Variants in GMDS observed in about 807,000 individuals in gnomAD.
GMDS encodes the protein GDP-mannose 4,6 dehydratase.
Under a neutral mutation model 49.9 loss-of-function variants are expected in GMDS, and 20 were observed. The observed-to-expected ratio is 0.40, with a 90% CI of 0.28 to 0.58. The LOEUF is 0.58. Among genes scored for constraint, GMDS ranks in the 20% least tolerant of loss-of-function variants. GMDS has a pLI of 0.42. For missense variants in GMDS, 362 were observed against 481.4 expected (o/e 0.75, Z 2.32); for synonymous variants, 177 against 178.6 (o/e 0.99, Z 0.07).
rs1028658239 is a variant in GMDS, at chr6:1,696,480, G to A, written c.987+29936C>T. 4.6e-5 allele frequency among the ~76,000 whole-genome samples: 7 copies of A among 152,136 alleles called. No homozygotes were observed. In the South Asian group the frequency reaches 1.2e-3, roughly 27 times the overall value. ...TCCTCCACTTAAGTAAATATTCCTC[G>A]AGTTGATGTGCCAAACCTCTCTTTT... On this transcript the variant is annotated intron_variant, in intron 9 of 10. Transcript: ENST00000380815.
At chr6:2,170,867 C>T (rs879470586) in intron 1 of GMDS, among the ~76,000 whole-genome samples, 6 of 151,382 alleles carry the variant, frequency 4.0e-5, no homozygotes, top group African/African-American at 7.3e-5. Context: ...CAGTGGCGGG[C>T]GCCTGTAGTC....
intron 7 of GMDS, among the ~76,000 whole-genome samples, chr6:1,763,113 G>T (rs776975892): frequency 6.6e-6 from 1 of 152,094 alleles, no homozygotes; most frequent in Non-Finnish European, 1.5e-5. Flanking sequence ...TTCTAAGATC[G>T]CAAAGGGAAA....
chr6:2,122,428 C>T (rs965083471), intron 2 of GMDS, among the ~76,000 whole-genome samples: 2 of 152,128 alleles, frequency 1.3e-5, no homozygotes, highest in African/African-American at 4.8e-5. Context: ...CCCCCCACCC[C>T]GAGTTCACAC....
chr6:1,705,299 C>G (rs1765692259), intron 9 of GMDS, among the ~76,000 whole-genome samples: 1 of 152,222 alleles, frequency 6.6e-6, no homozygotes, highest in Non-Finnish European at 1.5e-5. Flanking sequence ...CGTAGAGACA[C>G]AAGGTGATGG....
At chr6:1,730,465 T>C (rs1214868319) in intron 8 of GMDS, among the ~76,000 whole-genome samples, 1 of 152,194 alleles carries the variant, frequency 6.6e-6, no homozygotes, top group Non-Finnish European at 1.5e-5. Context: ...AAGTGAGACC[T>C]GATTGCAAAT....
chr6:1,979,917 CTATCTAGAATTTCA>C, intron 4 of GMDS, among the ~76,000 whole-genome samples: 2 of 152,250 alleles, frequency 1.3e-5, no homozygotes, highest in Non-Finnish European at 2.9e-5. Context: ...AAAGAATTTC[CTATCTAGAATTTCA>C]TATCTGTCCA....
chr6:1,672,172 C>T lies in GMDS; in HGVS notation c.988-47632G>A, dbSNP rs62388265. Among the ~76,000 whole-genome samples the T allele has an allele frequency of 2.4e-3, 365 of 152,286 alleles. 3 individuals are homozygous for T. Among genetic ancestry groups the T allele is most frequent in the Non-Finnish European group, 4.0e-3 (273 of 68,034 alleles). ...CATTTGGGTCTGGCTTCAGAGACGA[C>T]GACTGTGGAGCATTTGAGACGTCTG... is the stretch of plus-strand genomic sequence containing the variant. On this transcript the variant is annotated intron_variant, in intron 9 of 10. Coordinates refer to ENST00000380815, the MANE Select transcript of GMDS (RefSeq NM_001500.4).
intron 8 of GMDS, among the ~76,000 whole-genome samples, chr6:1,739,192 A>G (rs1310987494): frequency 6.6e-6 from 1 of 152,234 alleles, no homozygotes; most frequent in Non-Finnish European, 1.5e-5. Context: ...CATAAAGGAA[A>G]GAGGAGCGTC....
At chr6:2,083,450 G>A (rs1772833275) in intron 4 of GMDS, among the ~76,000 whole-genome samples, 1 of 152,084 alleles carries the variant, frequency 6.6e-6, no homozygotes, top group South Asian at 2.1e-4. Context: ...ACTCTAATGG[G>A]TTGTAAAATT....
chr6:2,100,593 ATGCCTTTAAGTT>A (rs990524676), intron 4 of GMDS, among the ~76,000 whole-genome samples: 28 of 152,168 alleles, frequency 1.8e-4, no homozygotes, highest in African/African-American at 6.3e-4. Context: ...CAACAAACAT[ATGCCTTTAAGTT>A]TGACTAATAC....
chr6:2,102,165 T>A (rs1773962549), intron 4 of GMDS, among the ~76,000 whole-genome samples: 1 of 152,086 alleles, frequency 6.6e-6, no homozygotes, highest in African/African-American at 2.4e-5. Context: ...AAAATGCCAA[T>A]AAAACATTGA....
Position 2,245,523 on chromosome 6 carries a change from C to CA in GMDS, c.-102dup. 1.7e-6 allele frequency: 1 copy of CA among 577,864 alleles called. No individual in the cohort carries two copies. The highest frequency in any genetic ancestry group is 3.7e-5 in the East Asian group (1 of 26,676). 35.8% of individuals were successfully genotyped at this position (577,864 alleles called of 1,614,324 possible). On this transcript the variant is annotated 5_prime_UTR_variant, in exon 1 of 11. Coordinates refer to ENST00000380815, the MANE Select transcript of GMDS (RefSeq NM_001500.4). The stretch of plus-strand genomic sequence containing the variant: ...GGGTGTGCAGCACGAAGCGCCTCTC[C>CA]AGGCTGCGGGCAGGGAGGGAGAGCG...
At chr6:2,057,446 C>T (rs542093295) in intron 4 of GMDS, among the ~76,000 whole-genome samples, 42 of 152,300 alleles carry the variant, frequency 2.8e-4, no homozygotes, top group Middle Eastern at 3.4e-3. Flanking sequence ...TCCCCAACTT[C>T]TTCTTTTTCC....
rs1771093045 is a variant in GMDS at position 2,060,669 on chromosome 6, AG to A, written c.345+55101del. On this transcript the variant is annotated intron_variant, in intron 4 of 10. Coordinates refer to ENST00000380815, the MANE Select transcript of GMDS (RefSeq NM_001500.4). ...ATGGAGAAATGTAAAAGCAGAGAAA[AG>A]GATGAGGTATGAGCAGACTGCATGT... Among the ~76,000 whole-genome samples, 3 of 152,198 alleles carry A rather than the reference AG, an allele frequency of 2.0e-5. No individual in the cohort carries two copies. The South Asian group carries it at 6.2e-4, about 32-fold the overall frequency.
At chr6:2,016,666 T>A (rs1483322598) in intron 4 of GMDS, among the ~76,000 whole-genome samples, 63 of 152,142 alleles carry the variant, frequency 4.1e-4, no homozygotes, top group Admixed American at 4.1e-3. Flanking sequence ...AATAAGACTA[T>A]AAAATGGACC....
chr6:1,849,668 T>C (rs1757567991), intron 7 of GMDS, among the ~76,000 whole-genome samples: 1 of 152,248 alleles, frequency 6.6e-6, no homozygotes, highest in Non-Finnish European at 1.5e-5. Flanking sequence ...ACTGTTGTTG[T>C]AGCTTTTCCC....
intron 4 of GMDS, among the ~76,000 whole-genome samples, chr6:2,019,551 G>A (rs1561980507): frequency 6.6e-6 from 1 of 152,080 alleles, no homozygotes; most frequent in Admixed American, 6.6e-5. Context: ...CCAGGTTCAA[G>A]TGATTCTCCT....
rs148259719 is a variant in GMDS, at chr6:2,185,898, T to C, written c.102+59423A>G. Reference sequence around the variant, plus strand: ...CCACTGTCATTCAATCAACTCATTATCTCCCCCAAAACTCTGCAGATTGTT... The same window carrying C: ...CCACTGTCATTCAATCAACTCATTACCTCCCCCAAAACTCTGCAGATTGTT... On this transcript the variant is annotated intron_variant, in intron 1 of 10. Transcript: ENST00000380815. 4.1e-4 allele frequency among the ~76,000 whole-genome samples: 62 copies of C among 152,178 alleles called. 1 individual carries two copies. The highest frequency in any genetic ancestry group is 1.3e-3 in the African/African-American group (55 of 41,526).
intron 1 of GMDS, among the ~76,000 whole-genome samples, chr6:2,237,457 C>T (rs1444906295): frequency 6.6e-6 from 1 of 151,242 alleles, no homozygotes; most frequent in East Asian, 1.9e-4. Context: ...GTGAGATTCC[C>T]AAAATTCCTC....
Sources: gnomAD v4.1 joint callset for allele counts (sites outside exome capture counted in the v4.1 genomes callset) on GRCh38, gnomAD v4.1.1 for gene constraint, MANE v1.5 for transcripts, NCBI Gene and HGNC (gene_info 2026-07-23, HGNC 2026-07-21) for gene names.